The following FLRT1 variants were observed in gnomAD, a reference collection of about 807,000 sequenced individuals.
FLRT1 encodes leucine-rich repeat transmembrane protein FLRT1.
In FLRT1, 14 loss-of-function variants were observed where a neutral mutation model predicts 30.9. The ratio of observed to expected loss-of-function variants is 0.45; its 90% CI spans 0.30 to 0.71. The LOEUF (loss-of-function observed/expected upper bound fraction) is 0.71. Among genes scored for constraint, FLRT1 ranks in the 30% least tolerant of loss-of-function variants. The probability of loss-of-function intolerance (pLI) is 0.08; values close to 1 mark genes in which losing one functional copy is unlikely to be tolerated. For missense variants in FLRT1, 737 were observed against 949.2 expected, an observed-to-expected ratio of 0.78 and a Z score of 2.94; for synonymous variants, 368 against 430.4, an observed-to-expected ratio of 0.85 and a Z score of 1.80.
intron 1 of FLRT1, among the ~76,000 whole-genome samples, chr11:64,069,260 G>T (rs1256987724): frequency 6.6e-6 from 1 of 152,242 alleles, no homozygotes; most frequent in Non-Finnish European, 1.5e-5. Context: ...ACCTGACACC[G>T]GAGACAGCTC....
chr11:64,062,674 A>G (rs750600263), intron 1 of FLRT1, among the ~76,000 whole-genome samples: 19 of 152,208 alleles, frequency 1.2e-4, no homozygotes, highest in Non-Finnish European at 2.1e-4. Flanking sequence ...AAGGTTTCTC[A>G]GGGAAGCCAG....
chr11:64,085,231 C>T (rs1944373027), intron 1 of FLRT1, among the ~76,000 whole-genome samples: 1 of 152,176 alleles, frequency 6.6e-6, no homozygotes, highest in Non-Finnish European at 1.5e-5. Context: ...TAGCGGGGCT[C>T]CTTGGAGAGC....
At chr11:64,044,510 A>G (rs1943548216) in intron 1 of FLRT1, among the ~76,000 whole-genome samples, 1 of 151,948 alleles carries the variant, frequency 6.6e-6, no homozygotes. Context: ...TGGCCTCCTG[A>G]TTACAGGTGT....
chr11:64,081,212 G>A (rs1466252017), intron 1 of FLRT1, among the ~76,000 whole-genome samples: 2 of 152,164 alleles, frequency 1.3e-5, no homozygotes, highest in Non-Finnish European at 2.9e-5. Flanking sequence ...AGTAGAGATG[G>A]GGTTTCACCA....
At chr11:64,047,436 T>C (rs1943605838) in intron 1 of FLRT1, among the ~76,000 whole-genome samples, 1 of 152,124 alleles carries the variant, frequency 6.6e-6, no homozygotes, top group Admixed American at 6.5e-5. Context: ...CCCTGTCCTG[T>C]TCCGTTTCAC....
intron 1 of FLRT1, among the ~76,000 whole-genome samples, chr11:64,079,616 G>A (rs911601728): frequency 2.0e-5 from 3 of 152,174 alleles, no homozygotes; most frequent in Admixed American, 1.3e-4. Flanking sequence ...TGGGCTAGAC[G>A]GAGGCAGAGT....
chr11:64,061,836 C>T (rs1565214863), intron 1 of FLRT1, among the ~76,000 whole-genome samples: 1 of 151,474 alleles, frequency 6.6e-6, no homozygotes, highest in Non-Finnish European at 1.5e-5. Flanking sequence ...CTCAGCCTCC[C>T]AAGTAGCGGG....
At chr11:64,072,199 T>G (rs1401626475) in intron 1 of FLRT1, among the ~76,000 whole-genome samples, 4 of 152,080 alleles carry the variant, frequency 2.6e-5, no homozygotes, top group Non-Finnish European at 5.9e-5. Context: ...GAGCAGGGTC[T>G]GCTTCATCCT....
At chr11:64,099,094 T>C (rs1380501227) in intron 1 of FLRT1, among the ~76,000 whole-genome samples, 1 of 152,098 alleles carries the variant, frequency 6.6e-6, no homozygotes, top group Non-Finnish European at 1.5e-5. Flanking sequence ...AGGCAGGTGG[T>C]CAAGGGGAAA....
chr11:64,099,282 G>A (rs1034777051), intron 1 of FLRT1, among the ~76,000 whole-genome samples: 4 of 152,258 alleles, frequency 2.6e-5, no homozygotes, highest in Admixed American at 6.5e-5. Context: ...CCCTGTGTGC[G>A]TCTCACATTG....
At chr11:64,070,642 G>A (rs1944091414) in intron 1 of FLRT1, among the ~76,000 whole-genome samples, 1 of 152,142 alleles carries the variant, frequency 6.6e-6, no homozygotes, top group Non-Finnish European at 1.5e-5. Flanking sequence ...CTAACACTCG[G>A]GCTGGGGCCT....
chr11:64,081,023 C>A (rs1210903955), intron 1 of FLRT1, among the ~76,000 whole-genome samples: 4 of 152,154 alleles, frequency 2.6e-5, no homozygotes, highest in African/African-American at 7.2e-5. Flanking sequence ...GGTTACACTT[C>A]TTATTTTATT....
rs754355455 is a variant in FLRT1, at chr11:64,117,600, G to A, written c.1333G>A (p.Ala445Thr). 5.6e-6 allele frequency: 9 copies of A among 1,613,544 alleles called. No homozygotes were observed. Among genetic ancestry groups the A allele is most frequent in the Non-Finnish European group, 7.6e-6 (9 of 1,179,862 alleles). The part of the protein sequence containing the change: ...GAKTLAIHVK[A>T]LTADSIRITW... The stretch of plus-strand genomic sequence containing the variant: ...CAAGACCCTGGCCATCCACGTGAAG[G>A]CCCTGACGGCAGACTCCATCCGCAT... Residue 445 changes from alanine to threonine, a missense_variant, in exon 3 of 3, where the codon GCC (alanine) becomes ACC (threonine). Ala to Thr is a moderately conservative substitution (Grantham distance 58). Transcript: ENST00000682287.
intron 1 of FLRT1, among the ~76,000 whole-genome samples, chr11:64,069,735 C>T (rs551062377): frequency 1.1e-3 from 166 of 152,320 alleles, no homozygotes; most frequent in African/African-American, 3.3e-3. Flanking sequence ...GGCCCGGCCC[C>T]GGCAGCTGTG....
At chr11:64,087,655 G>A (rs991023953) in intron 1 of FLRT1, among the ~76,000 whole-genome samples, 8 of 152,230 alleles carry the variant, frequency 5.3e-5, no homozygotes, top group African/African-American at 1.4e-4. Context: ...ATGCAGCCAC[G>A]GGTCCTTGTC....
intron 1 of FLRT1, among the ~76,000 whole-genome samples, chr11:64,080,437 G>A (rs2134489058): frequency 6.6e-6 from 1 of 152,232 alleles, no homozygotes; most frequent in South Asian, 2.1e-4. Context: ...TATTTACAAG[G>A]TTGTGCAACC....
At chr11:64,071,927 T>G (rs913309157) in intron 1 of FLRT1, among the ~76,000 whole-genome samples, 1 of 152,150 alleles carries the variant, frequency 6.6e-6, no homozygotes, top group African/African-American at 2.4e-5. Context: ...CCAGTGACAC[T>G]TCTAGGTCCC....
chr11:64,059,420 C>G (rs1943854171), intron 1 of FLRT1, among the ~76,000 whole-genome samples: 1 of 152,120 alleles, frequency 6.6e-6, no homozygotes, highest in African/African-American at 2.4e-5. Flanking sequence ...GAAGAGATGT[C>G]CCCCCAGGGT....
intron 1 of FLRT1, among the ~76,000 whole-genome samples, chr11:64,040,002 C>T (rs1943454718): frequency 6.6e-6 from 1 of 152,230 alleles, no homozygotes; most frequent in South Asian, 2.1e-4. Flanking sequence ...TTTCCCTTCC[C>T]TCACTCCTTC....
Sources: allele counts gnomAD v4.1 joint callset (sites outside exome capture counted in the v4.1 genomes callset), GRCh38; gene constraint gnomAD v4.1.1; transcripts MANE v1.5; gene names NCBI Gene and HGNC (gene_info 2026-07-23, HGNC 2026-07-21).